TACC2: variants seen among roughly 807,000 people sequenced by gnomAD.
TACC2 encodes the protein transforming acidic coiled-coil containing protein 2, also known as transforming acidic coiled-coil-containing protein 2.
A neutral mutation model predicts 227.3 loss-of-function variants in TACC2; 137 were observed. The observed-to-expected ratio is 0.60, with a 90% CI of 0.52 to 0.69. The LOEUF is 0.69. TACC2 is among the 30% of genes least tolerant of loss of function. TACC2 has a pLI of 0.00. For missense variants in TACC2, 3,470 were observed against 3,694.4 expected (o/e 0.94, Z 1.57); for synonymous variants, 1,523 against 1,487.5 (o/e 1.02, Z -0.55).
intron 7 of TACC2, among the ~76,000 whole-genome samples, chr10:122,171,528 G>A (rs980729423): frequency 4.6e-5 from 7 of 152,200 alleles, no homozygotes; most frequent in Admixed American, 2.0e-4. Context: ...CAGAGTCTGC[G>A]GATGTTAGAA....
At chr10:121,993,272 A>G (rs900244281) in intron 1 of TACC2, among the ~76,000 whole-genome samples, 1 of 152,252 alleles carries the variant, frequency 6.6e-6, no homozygotes, top group Admixed American at 6.5e-5. Flanking sequence ...AATGTGTGAA[A>G]AAAAGGAGTT....
intron 5 of TACC2, among the ~76,000 whole-genome samples, chr10:122,102,085 G>C (rs1033427830): frequency 6.6e-6 from 1 of 152,074 alleles, no homozygotes; most frequent in Non-Finnish European, 1.5e-5. Flanking sequence ...ACAAGGTACT[G>C]TGTGACGCTT....
At chr10:122,098,182 T>G (rs764877512) in intron 5 of TACC2, among the ~76,000 whole-genome samples, 2 of 152,134 alleles carry the variant, frequency 1.3e-5, no homozygotes, top group East Asian at 3.9e-4. Context: ...GATCAGGAAG[T>G]TGGACATCAT....
intron 7 of TACC2, among the ~76,000 whole-genome samples, chr10:122,181,297 C>T (rs1435665141): frequency 6.6e-6 from 1 of 152,156 alleles, no homozygotes; most frequent in Non-Finnish European, 1.5e-5. Context: ...CTTTTTGCAT[C>T]GCTCTGTAAA....
At chr10:122,004,329 C>T (rs947536055) in intron 1 of TACC2, among the ~76,000 whole-genome samples, 1 of 149,522 alleles carries the variant, frequency 6.7e-6, no homozygotes, top group Admixed American at 6.8e-5. Context: ...ATCTGGGAGG[C>T]GGAGGTTGCA....
At chr10:121,999,295 CAT>C (rs766403779) in intron 1 of TACC2, among the ~76,000 whole-genome samples, 178 of 152,278 alleles carry the variant, frequency 1.2e-3, no homozygotes, top group Non-Finnish European at 1.6e-3. Flanking sequence ...TTTGAGGAGA[CAT>C]AATTTTGCAG....
chr10:122,134,390 C>T (rs1170711770), intron 6 of TACC2, among the ~76,000 whole-genome samples: 3 of 152,076 alleles, frequency 2.0e-5, no homozygotes, highest in African/African-American at 4.8e-5. Context: ...GTTGGCCAGG[C>T]TGTTCTCAAA....
intron 22 of TACC2, among the ~76,000 whole-genome samples, chr10:122,251,930 A>G (rs1468747329): frequency 2.0e-5 from 3 of 152,250 alleles, no homozygotes; most frequent in Admixed American, 2.0e-4. Context: ...CCTGAGTGAT[A>G]TCTAGGGGAT....
In TACC2 at chr10:122,048,006, A is replaced by AG. The variant is rs529250807; in HGVS notation, c.34-2428dup. Among the ~76,000 whole-genome samples the AG allele has an allele frequency of 1.1e-4, 17 of 152,328 alleles. No homozygotes were observed. The South Asian group carries it at 3.3e-3, about 30-fold the overall frequency. ...AACCACTCAGGGAAATGCACCAGGT[A>AG]GGGGAACCTTAGCCAAAGCTAGCTT... On this transcript the variant is annotated intron_variant, in intron 2 of 22. Transcript: ENST00000369005.
At chr10:122,134,871 G>A (rs1192451142) in intron 6 of TACC2, among the ~76,000 whole-genome samples, 1 of 152,220 alleles carries the variant, frequency 6.6e-6, no homozygotes, top group Non-Finnish European at 1.5e-5. Flanking sequence ...GGTGTAATGG[G>A]TGCTTCTGAA....
At chr10:122,121,827 G>T (rs1224089440) in intron 5 of TACC2, among the ~76,000 whole-genome samples, 2 of 152,278 alleles carry the variant, frequency 1.3e-5, no homozygotes, top group East Asian at 3.9e-4. Flanking sequence ...TCCCCTGCTG[G>T]CTCTGCCATC....
At chr10:122,021,258 T>A (rs1377747736) in intron 1 of TACC2, among the ~76,000 whole-genome samples, 1 of 149,700 alleles carries the variant, frequency 6.7e-6, no homozygotes, top group Non-Finnish European at 1.5e-5. Context: ...GGAAGAAAGA[T>A]CATTAATAAA....
chr10:122,084,153 T>C lies in TACC2; in HGVS notation c.1653T>C (p.Asp551=). Residue 551 remains aspartate (D), a synonymous_variant, in exon 4 of 23, where the codon GAT becomes GAC. Transcript: ENST00000369005. ...ESARGPPGPT[D]GAKVHEDSTS... ...CCAGAGGGCCACCGGGGCCAACGGA[T>C]GGAGCCAAGGTCCATGAAGATTCCA... 1 of 1,613,940 alleles carries C rather than the reference T, an allele frequency of 6.2e-7. No individual in the cohort carries two copies. Among genetic ancestry groups the C allele is most frequent in the South Asian group, 1.1e-5 (1 of 91,070 alleles).
chr10:122,055,201 CAG>C (rs1232895187), intron 3 of TACC2, among the ~76,000 whole-genome samples: 1 of 151,468 alleles, frequency 6.6e-6, no homozygotes, highest in Non-Finnish European at 1.5e-5. Context: ...GCCTGGGTGA[CAG>C]AGCAAGACGC....
chr10:122,064,023 G>C (rs370277692), intron 3 of TACC2, among the ~76,000 whole-genome samples: 2 of 151,884 alleles, frequency 1.3e-5, no homozygotes, highest in African/African-American at 2.4e-5. Flanking sequence ...TTAGCCGGGC[G>C]CGGTGGTGTA....
At position 122,050,361 on chromosome 10, in the gene TACC2, C is replaced by A. The variant is rs2075536893; in HGVS notation, c.34-77C>A. On this transcript the variant is annotated intron_variant, in intron 2 of 22. Transcript: ENST00000369005. This position sits in a 1 kb window ranked among gnomAD's most constrained non-coding sequence, Gnocchi z 4.6. Reference sequence around the variant, plus strand: ...CTTACCTTGAATGCTGTGGTGGGTGCCCTGTTGATAAATGTTTTTGTGTTT... The same window carrying A: ...CTTACCTTGAATGCTGTGGTGGGTGACCTGTTGATAAATGTTTTTGTGTTT... 9.1e-7 allele frequency: 1 copy of A among 1,103,012 alleles called. No individual in the cohort carries two copies. The highest frequency in any genetic ancestry group is 1.4e-6 in the Non-Finnish European group (1 of 739,874). 68.3% of individuals were successfully genotyped at this position (1,103,012 alleles called of 1,614,324 possible).
At chr10:122,183,204 C>A (rs972752734) in intron 7 of TACC2, among the ~76,000 whole-genome samples, 5 of 145,924 alleles carry the variant, frequency 3.4e-5, no homozygotes, top group East Asian at 2.2e-4. Flanking sequence ...GACTCTGTCT[C>A]AAAAAAAACA....
chr10:122,249,990 A>G (rs890009208), intron 22 of TACC2, among the ~76,000 whole-genome samples: 12 of 152,188 alleles, frequency 7.9e-5, no homozygotes, highest in Non-Finnish European at 5.9e-5. Flanking sequence ...TGCATCCGGC[A>G]TGCTTACTGG....
intron 9 of TACC2, among the ~76,000 whole-genome samples, chr10:122,212,728 C>T (rs935568192): frequency 6.6e-6 from 1 of 152,192 alleles, no homozygotes; most frequent in Non-Finnish European, 1.5e-5. Flanking sequence ...CCCAGGGCCT[C>T]CTGAGAGGAG....
Sources: allele counts gnomAD v4.1 joint callset (sites outside exome capture counted in the v4.1 genomes callset), GRCh38; gene constraint gnomAD v4.1.1; non-coding constraint Gnocchi (gnomAD v3.1); transcripts MANE v1.5; gene names NCBI Gene and HGNC (gene_info 2026-07-23, HGNC 2026-07-21).